The following ZNRF3 variants were observed in gnomAD, a reference collection of about 807,000 sequenced individuals.
The protein encoded by ZNRF3 is E3 ubiquitin-protein ligase ZNRF3.
Under a neutral mutation model 72.5 loss-of-function variants are expected in ZNRF3, and 23 were observed. The observed-to-expected ratio is 0.32, with a 90% CI of 0.23 to 0.45. The LOEUF (loss-of-function observed/expected upper bound fraction) is 0.45, where lower values mean the gene tolerates loss of function less well. Ranked by LOEUF, ZNRF3 falls within the 20% of genes least tolerant of loss-of-function variation. The pLI is 1.00. For missense variants in ZNRF3, 1,169 were observed against 1,272.1 expected (o/e 0.92, Z 1.23); for synonymous variants, 610 against 545.3 (o/e 1.12, Z -1.65).
At chr22:28,929,911 C>T (rs907632338) in intron 1 of ZNRF3, among the ~76,000 whole-genome samples, 3 of 152,178 alleles carry the variant, frequency 2.0e-5, no homozygotes, top group Admixed American at 2.0e-4. Context: ...GCACTCCTTA[C>T]ATTAACCTCA....
Position 29,022,454 on chromosome 22 carries a change from T to A in ZNRF3, c.427-20041T>A, listed in dbSNP as rs1212150344. ...GGAGCCTGGTATTTCTGAGTCTTGG[T>A]TGGTCCCTGCCCATCACTGGATCTT... On this transcript the variant is annotated intron_variant, in intron 2 of 8. Coordinates refer to ENST00000544604, the MANE Select transcript of ZNRF3 (RefSeq NM_001206998.2). 2.0e-5 allele frequency among the ~76,000 whole-genome samples: 3 copies of A among 152,302 alleles called. No individual in the cohort carries two copies. The East Asian group carries it at 5.8e-4, about 29-fold the overall frequency.
At chr22:28,993,534 A>G (rs749759353) in intron 2 of ZNRF3, among the ~76,000 whole-genome samples, 3 of 152,196 alleles carry the variant, frequency 2.0e-5, no homozygotes, top group Non-Finnish European at 4.4e-5. Context: ...TTCTTTGCAA[A>G]GCACAAATAC....
At chr22:28,952,806 C>A (rs2035189110) in intron 1 of ZNRF3, among the ~76,000 whole-genome samples, 2 of 152,154 alleles carry the variant, frequency 1.3e-5, no homozygotes, top group African/African-American at 4.8e-5. Context: ...TGAGAATGAG[C>A]TTTGGAAGTT....
rs538628922 is a variant in ZNRF3 at position 29,030,220 on chromosome 22, A to C, written c.427-12275A>C. Among the ~76,000 whole-genome samples the C allele has an allele frequency of 6.6e-6, 1 of 152,240 alleles. No individual in the cohort carries two copies. The highest frequency in any genetic ancestry group is 2.1e-4 in the South Asian group (1 of 4,824). On this transcript the variant is annotated intron_variant, in intron 2 of 8. Transcript: ENST00000544604. The surrounding 1 kb of genome is among the most constrained non-coding windows in gnomAD (Gnocchi z 4.2). ...ATTGTGTTTCTTGGAACTGGCCTAA[A>C]CGTCTATGTTTAAGATTAAGATCTA...
intron 1 of ZNRF3, among the ~76,000 whole-genome samples, chr22:28,968,182 C>T (rs1216327065): frequency 2.0e-5 from 3 of 152,166 alleles, no homozygotes; most frequent in Non-Finnish European, 4.4e-5. Context: ...TGGGTGACTT[C>T]CTCAGCATGT....
At chr22:29,010,234 C>G (rs1234717166) in intron 2 of ZNRF3, among the ~76,000 whole-genome samples, 1 of 152,008 alleles carries the variant, frequency 6.6e-6, no homozygotes, top group African/African-American at 2.4e-5. Flanking sequence ...AAACTCCATA[C>G]CTATTAAACC....
chr22:28,938,024 T>C (rs182025231), intron 1 of ZNRF3, among the ~76,000 whole-genome samples: 1 of 152,178 alleles, frequency 6.6e-6, no homozygotes, highest in Non-Finnish European at 1.5e-5. Context: ...CATTGATACA[T>C]TACTGTTAAC....
At chr22:29,036,841 AT>A (rs2036875607) in intron 2 of ZNRF3, among the ~76,000 whole-genome samples, 1 of 152,230 alleles carries the variant, frequency 6.6e-6, no homozygotes, top group African/African-American at 2.4e-5. Context: ...CATTTAAAAT[AT>A]TTACAAAGAA....
chr22:29,011,862 C>G (rs2036353319), intron 2 of ZNRF3, among the ~76,000 whole-genome samples: 1 of 152,192 alleles, frequency 6.6e-6, no homozygotes, highest in Non-Finnish European at 1.5e-5. Context: ...TAATCCTTAC[C>G]CTGGGGCCTT....
At chr22:28,947,709 A>G (rs763228841) in intron 1 of ZNRF3, among the ~76,000 whole-genome samples, 16 of 152,288 alleles carry the variant, frequency 1.1e-4, no homozygotes, top group Admixed American at 5.2e-4. Context: ...CAATTGGGTT[A>G]CTCATTTTGT....
At chr22:28,947,515 CTTG>C (rs1176884202) in intron 1 of ZNRF3, among the ~76,000 whole-genome samples, 1 of 152,162 alleles carries the variant, frequency 6.6e-6, no homozygotes, top group African/African-American at 2.4e-5. Context: ...CTCTCTAATA[CTTG>C]TTATTATTTA....
chr22:28,887,231 AGAGAGTGT>A (rs59805229), intron 1 of ZNRF3, among the ~76,000 whole-genome samples: 10,570 of 111,672 alleles, frequency 0.095, 397 homozygotes, highest in African/African-American at 0.14. Context: ...AGAGAGAGAG[AGAGAGTGT>A]GTGTGTGTGT....
intron 2 of ZNRF3, among the ~76,000 whole-genome samples, chr22:29,015,304 A>G (rs2123855519): frequency 6.6e-6 from 1 of 152,336 alleles, no homozygotes; most frequent in East Asian, 1.9e-4. Context: ...GAATTGTTTT[A>G]ACGCTTATTG....
intron 2 of ZNRF3, among the ~76,000 whole-genome samples, chr22:28,995,186 C>G (rs56752813): frequency 6.6e-6 from 1 of 152,188 alleles, no homozygotes; most frequent in African/African-American, 2.4e-5. Context: ...GTAATCCCAG[C>G]ACTTTGGGAG....
chr22:28,958,330 G>C (rs2035296222), intron 1 of ZNRF3, among the ~76,000 whole-genome samples: 2 of 152,200 alleles, frequency 1.3e-5, no homozygotes, highest in African/African-American at 4.8e-5. Context: ...CACTGGGCAG[G>C]CAATAAAGCA....
intron 1 of ZNRF3, among the ~76,000 whole-genome samples, chr22:28,984,988 A>C (rs899036919): frequency 6.6e-5 from 10 of 152,158 alleles, no homozygotes; most frequent in Non-Finnish European, 2.9e-5. Flanking sequence ...CTCACCCACT[A>C]TAAAGACAGC....
intron 1 of ZNRF3, among the ~76,000 whole-genome samples, chr22:28,903,699 A>C (rs948676684): frequency 6.6e-6 from 1 of 152,136 alleles, no homozygotes; most frequent in East Asian, 1.9e-4. Flanking sequence ...GGTGCTAGGA[A>C]ATTGCCCCTT....
At chr22:29,041,814 C>T (rs2036967980) in intron 2 of ZNRF3, among the ~76,000 whole-genome samples, 1 of 152,040 alleles carries the variant, frequency 6.6e-6, no homozygotes, top group Admixed American at 6.6e-5. Context: ...TAAAATTAAC[C>T]ATTTTGAGAC....
At chr22:28,938,143 C>G (rs2034875252) in intron 1 of ZNRF3, among the ~76,000 whole-genome samples, 1 of 152,108 alleles carries the variant, frequency 6.6e-6, no homozygotes, top group Non-Finnish European at 1.5e-5. Flanking sequence ...CATCCCACTT[C>G]CTATATATTT....
Sources: allele counts gnomAD v4.1 joint callset (sites outside exome capture counted in the v4.1 genomes callset), GRCh38; gene constraint gnomAD v4.1.1; non-coding constraint Gnocchi (gnomAD v3.1); transcripts MANE v1.5; gene names NCBI Gene and HGNC (gene_info 2026-07-23, HGNC 2026-07-21).